The following COL13A1 variants were observed in gnomAD, a reference collection of about 807,000 sequenced individuals.
COL13A1 encodes collagen alpha-1(XIII) chain.
A neutral mutation model predicts 130.9 loss-of-function variants in COL13A1; 89 were observed. That is an observed-to-expected ratio of 0.68 (90% CI 0.57 to 0.81). The LOEUF is 0.81. Among genes scored for constraint, COL13A1 ranks in the 30% least tolerant of loss-of-function variants. The pLI is 0.00. For synonymous variants in COL13A1, 402 were observed against 341.6 expected, an observed-to-expected ratio of 1.18 and a Z score of -1.95; for missense variants, 879 against 934.6, an observed-to-expected ratio of 0.94 and a Z score of 0.78.
chr10:69,823,932 G>T (rs1328769964), intron 2 of COL13A1, among the ~76,000 whole-genome samples: 1 of 152,170 alleles, frequency 6.6e-6, no homozygotes, highest in Admixed American at 6.5e-5. Flanking sequence ...TTCGCATCAG[G>T]GCTCATGGGA....
chr10:69,920,530 G>A (rs1199211445), intron 21 of COL13A1, among the ~76,000 whole-genome samples: 1 of 152,168 alleles, frequency 6.6e-6, no homozygotes, highest in African/African-American at 2.4e-5. Context: ...AGACCATAAG[G>A]TCGAGGCCCT....
chr10:69,854,357 G>GGAGTTCAA (rs1167992671), intron 2 of COL13A1, among the ~76,000 whole-genome samples: 36 of 152,310 alleles, frequency 2.4e-4, no homozygotes, highest in Non-Finnish European at 4.4e-4. Flanking sequence ...CTGGAGTTCA[G>GGAGTTCAA]GAGTTCAAGA....
At chr10:69,869,301 C>G (rs2058829925) in intron 3 of COL13A1, among the ~76,000 whole-genome samples, 2 of 151,860 alleles carry the variant, frequency 1.3e-5, no homozygotes, top group African/African-American at 4.8e-5. Flanking sequence ...ACATTCTGAG[C>G]CCAGCTCAGA....
At chr10:69,906,662 A>T (rs745822920) in intron 17 of COL13A1, among the ~76,000 whole-genome samples, 1 of 152,148 alleles carries the variant, frequency 6.6e-6, no homozygotes, top group Non-Finnish European at 1.5e-5. Flanking sequence ...GAAGAGTCTT[A>T]GGCTCTACTT....
At chr10:69,930,213 G>A (rs1032811809) in intron 29 of COL13A1, 126 bp downstream of exon 29, 12 of 1,085,608 alleles carry the variant, frequency 1.1e-5, no homozygotes, top group African/African-American at 6.3e-5. Context: ...GGGGAGATGG[G>A]GGGGGGCAGG....
At chr10:69,832,436 G>C (rs1849044264) in intron 2 of COL13A1, among the ~76,000 whole-genome samples, 1 of 152,200 alleles carries the variant, frequency 6.6e-6, no homozygotes, top group African/African-American at 2.4e-5. Flanking sequence ...GGATCTTACA[G>C]GGTTATTATG....
chr10:69,811,067 C>T (rs527630301), intron 1 of COL13A1, among the ~76,000 whole-genome samples: 54 of 152,234 alleles, frequency 3.5e-4, no homozygotes, highest in Non-Finnish European at 6.5e-4. Context: ...CTGGGGCCCA[C>T]GTAGGCTGGG....
Position 69,953,029 on chromosome 10 carries a change from A to C in COL13A1, c.2145+61A>C. 5 of 1,298,062 alleles carry C rather than the reference A, an allele frequency of 3.9e-6. No homozygotes were observed. In the South Asian group the frequency reaches 8.6e-5, roughly 22 times the overall value. 80.4% of individuals were successfully genotyped at this position (1,298,062 alleles called of 1,614,324 possible). A position where few individuals can be genotyped will look rare whatever the true frequency, so the allele number is the denominator to read the frequency against. On this transcript the variant is annotated intron_variant, in intron 39 of 40. Coordinates refer to ENST00000645393, the MANE Select transcript of COL13A1 (RefSeq NM_001368882.1). Reference sequence around the variant, plus strand: ...TTTGTTCTTGAGGTTTGTAAGTTGGAAACAAAGAAGGCAAATAAACTAAGA... The same window carrying C: ...TTTGTTCTTGAGGTTTGTAAGTTGGCAACAAAGAAGGCAAATAAACTAAGA...
intron 1 of COL13A1, among the ~76,000 whole-genome samples, chr10:69,816,056 A>G (rs2704494): frequency 0.17 from 25,686 of 151,284 alleles, 2,459 homozygotes; most frequent in Non-Finnish European, 0.22. Flanking sequence ...CCTGAGGTAG[A>G]GAAAGCCCAG....
intron 7 of COL13A1, among the ~76,000 whole-genome samples, chr10:69,881,451 G>A (rs530220254): frequency 1.3e-5 from 2 of 152,332 alleles, no homozygotes; most frequent in South Asian, 4.1e-4. Context: ...CTGGGAGACT[G>A]AGACCCACAG....
chr10:69,952,556 C>T (rs1453356526), intron 38 of COL13A1, among the ~76,000 whole-genome samples: 1 of 152,238 alleles, frequency 6.6e-6, no homozygotes, highest in Non-Finnish European at 1.5e-5. Context: ...TCCCTAGCCA[C>T]TGTGTTCAGC....
At chr10:69,868,403 C>G (rs537843566) in intron 3 of COL13A1, among the ~76,000 whole-genome samples, 1 of 152,274 alleles carries the variant, frequency 6.6e-6, no homozygotes, top group African/African-American at 2.4e-5. Flanking sequence ...GCACTCCTTC[C>G]TGGCCTTGCT....
intron 2 of COL13A1, among the ~76,000 whole-genome samples, chr10:69,834,658 G>C (rs1198874723): frequency 6.6e-6 from 1 of 152,218 alleles, no homozygotes; most frequent in Non-Finnish European, 1.5e-5. Context: ...CCACGGATAA[G>C]GGACAGAGGC....
Position 69,867,215 on chromosome 10 carries a change from G to T in COL13A1, c.365-583G>T, listed in dbSNP as rs1303412777. On this transcript the variant is annotated intron_variant, in intron 2 of 40. Coordinates refer to ENST00000645393, the MANE Select transcript of COL13A1 (RefSeq NM_001368882.1). ...GGGTGGGGCCGGAGCCCGAGAGGGGGCTTTGAGAAAGAGGCTGTGGGTGGC... is the reference window on the plus strand; with the variant it reads ...GGGTGGGGCCGGAGCCCGAGAGGGGTCTTTGAGAAAGAGGCTGTGGGTGGC... Among the ~76,000 whole-genome samples, 5 of 152,234 alleles carry T rather than the reference G, an allele frequency of 3.3e-5. No individual in the cohort carries two copies. In the South Asian group the frequency reaches 8.3e-4, roughly 25 times the overall value.
chr10:69,907,436 T>C (rs1479899142), intron 17 of COL13A1, among the ~76,000 whole-genome samples: 2 of 152,306 alleles, frequency 1.3e-5, no homozygotes, highest in East Asian at 3.9e-4. Flanking sequence ...GAGGACCTTC[T>C]TGTGTCATCC....
At chr10:69,890,928 C>T (rs1240938605) in intron 10 of COL13A1, among the ~76,000 whole-genome samples, 2 of 152,206 alleles carry the variant, frequency 1.3e-5, no homozygotes, top group African/African-American at 4.8e-5. Flanking sequence ...AAAACAAGAT[C>T]GAAACACAGT....
intron 2 of COL13A1, among the ~76,000 whole-genome samples, chr10:69,857,769 C>T (rs180884657): frequency 6.6e-6 from 1 of 152,156 alleles, no homozygotes; most frequent in African/African-American, 2.4e-5. Flanking sequence ...TCCTGAAGTC[C>T]ACCTTAAAAG....
intron 38 of COL13A1, among the ~76,000 whole-genome samples, chr10:69,951,327 T>C (rs895923966): frequency 2.0e-5 from 3 of 152,220 alleles, no homozygotes; most frequent in African/African-American, 7.2e-5. Context: ...ACATACTATA[T>C]TCCATTATTA....
At chr10:69,864,098 A>AATTAT (rs1200518251) in intron 2 of COL13A1, among the ~76,000 whole-genome samples, 1 of 152,130 alleles carries the variant, frequency 6.6e-6, no homozygotes, top group African/African-American at 2.4e-5. Flanking sequence ...AATTAAATTA[A>AATTAT]ATTAAAATTT....
Sources: gnomAD v4.1 joint callset for allele counts (sites outside exome capture counted in the v4.1 genomes callset) on GRCh38, gnomAD v4.1.1 for gene constraint, MANE v1.5 for transcripts, NCBI Gene and HGNC (gene_info 2026-07-23, HGNC 2026-07-21) for gene names.